Variants in LRMDA observed in about 807,000 individuals in gnomAD.
The protein encoded by LRMDA is leucine-rich melanocyte differentiation-associated protein.
Under a neutral mutation model 29.8 loss-of-function variants are expected in LRMDA, and 18 were observed. The observed-to-expected ratio is 0.60, with a 90% CI of 0.42 to 0.90. The LOEUF is 0.90. Ranked by LOEUF, LRMDA falls within the 40% of genes least tolerant of loss-of-function variation. LRMDA has a pLI of 0.00. For synonymous variants in LRMDA, 125 were observed against 109.4 expected (o/e 1.14, Z -0.89); for missense variants, 273 against 273.9 (o/e 1.00, Z 0.02).
At chr10:76,144,687 C>T (rs1850276515) in intron 5 of LRMDA, among the ~76,000 whole-genome samples, 1 of 152,036 alleles carries the variant, frequency 6.6e-6, no homozygotes, top group Non-Finnish European at 1.5e-5. Flanking sequence ...CCTTTATTTC[C>T]TTCTCCTGCC....
At chr10:75,762,238 T>C (rs1843106441) in intron 2 of LRMDA, among the ~76,000 whole-genome samples, 1 of 152,240 alleles carries the variant, frequency 6.6e-6, no homozygotes, top group South Asian at 2.1e-4. Flanking sequence ...AGACCATGTT[T>C]TGTTTTTCCT....
At chr10:75,680,486 A>G (rs1274424884) in intron 2 of LRMDA, among the ~76,000 whole-genome samples, 2 of 151,988 alleles carry the variant, frequency 1.3e-5, no homozygotes, top group Non-Finnish European at 2.9e-5. Context: ...GTTTTACTTT[A>G]CTTTTCATAT....
intron 2 of LRMDA, among the ~76,000 whole-genome samples, chr10:75,985,250 G>A (rs568118443): frequency 1.3e-5 from 2 of 152,364 alleles, no homozygotes; most frequent in Admixed American, 1.3e-4. Flanking sequence ...GGAAGTATTA[G>A]AGATACCAAC....
intron 6 of LRMDA, among the ~76,000 whole-genome samples, chr10:76,504,376 A>T (rs74323880): frequency 0.021 from 3,217 of 151,852 alleles, 131 homozygotes; most frequent in African/African-American, 0.075. Flanking sequence ...TAAATCCATA[A>T]TTTTTTTGTT....
chr10:76,435,750 C>T (rs1191922185), intron 6 of LRMDA, among the ~76,000 whole-genome samples: 2 of 152,130 alleles, frequency 1.3e-5, no homozygotes, highest in East Asian at 3.9e-4. Flanking sequence ...TCATCAGTAC[C>T]TTAGGCCATA....
At chr10:75,823,591 T>C (rs1275020531) in intron 2 of LRMDA, among the ~76,000 whole-genome samples, 1 of 152,050 alleles carries the variant, frequency 6.6e-6, no homozygotes, top group Non-Finnish European at 1.5e-5. Flanking sequence ...AAAATAGAAC[T>C]ACCCTTTGAT....
chr10:75,761,583 A>T (rs545027708), intron 2 of LRMDA, among the ~76,000 whole-genome samples: 8 of 152,282 alleles, frequency 5.3e-5, no homozygotes, highest in African/African-American at 1.9e-4. Context: ...TCTGTTTGGG[A>T]TGATGAAAAA....
chr10:76,036,113 C>A lies in LRMDA; in HGVS notation c.237C>A (p.Thr79=), dbSNP rs755067051. The A allele has an allele frequency of 6.2e-7, 1 of 1,613,788 alleles. No homozygotes were observed. Among genetic ancestry groups the A allele is most frequent in the African/African-American group, 1.3e-5 (1 of 74,882 alleles). ...TGCCAGGGTTACCCAGACTGCATAC[C>A]TTAACCCTCAACAAGAACCGAATAT... ...LVLPGLPRLH[T]LTLNKNRITD... The change falls in exon 3 of 7, where the codon ACC becomes ACA. Residue 79 remains threonine, a synonymous_variant. Transcript: ENST00000611255.
At chr10:75,539,152 A>G (rs1434395980) in intron 2 of LRMDA, among the ~76,000 whole-genome samples, 2 of 152,216 alleles carry the variant, frequency 1.3e-5, no homozygotes. Context: ...TCCCTTTCCT[A>G]AAAGCTTTCC....
chr10:75,597,384 C>A (rs2132088678), intron 2 of LRMDA, among the ~76,000 whole-genome samples: 1 of 152,228 alleles, frequency 6.6e-6, no homozygotes, highest in Non-Finnish European at 1.5e-5. Context: ...GGCCTCAGAC[C>A]CCTGCCCACT....
intron 2 of LRMDA, among the ~76,000 whole-genome samples, chr10:75,825,037 A>G (rs78079289): frequency 0.043 from 6,476 of 152,250 alleles, 171 homozygotes; most frequent in East Asian, 0.099. Context: ...CTTCATTATC[A>G]GCTGACGCCA....
chr10:75,761,888 C>A (rs1406245686), intron 2 of LRMDA, among the ~76,000 whole-genome samples: 1 of 151,108 alleles, frequency 6.6e-6, no homozygotes, highest in African/African-American at 2.4e-5. Context: ...GCCACCTCTG[C>A]ATCCCAGGCT....
chr10:76,363,556 A>G (rs1485181169), intron 6 of LRMDA, among the ~76,000 whole-genome samples: 2 of 152,156 alleles, frequency 1.3e-5, no homozygotes, highest in Non-Finnish European at 2.9e-5. Flanking sequence ...ACTGGAGCAT[A>G]GGATGAGTGA....
intron 2 of LRMDA, among the ~76,000 whole-genome samples, chr10:75,568,783 G>A (rs1840402634): frequency 6.6e-6 from 1 of 152,234 alleles, no homozygotes; most frequent in South Asian, 2.1e-4. Flanking sequence ...TCATTTGCAA[G>A]TTTAAGTTCC....
intron 3 of LRMDA, among the ~76,000 whole-genome samples, chr10:76,040,957 A>G (rs1191531104): frequency 6.6e-6 from 1 of 152,218 alleles, no homozygotes; most frequent in African/African-American, 2.4e-5. Flanking sequence ...CCAGCGAGTC[A>G]GAGGTGGGAC....
At chr10:76,353,248 A>G (rs16933426) in intron 6 of LRMDA, among the ~76,000 whole-genome samples, 6,107 of 152,004 alleles carry the variant, frequency 0.04, 224 homozygotes, top group African/African-American at 0.099. Flanking sequence ...TGGACATTAC[A>G]TTCCCTAAGA....
intron 6 of LRMDA, among the ~76,000 whole-genome samples, chr10:76,492,445 A>G (rs962454746): frequency 6.6e-6 from 1 of 152,082 alleles, no homozygotes; most frequent in African/African-American, 2.4e-5. Flanking sequence ...GCAGACTCAT[A>G]GAGATACCAC....
At chr10:75,572,579 T>C (rs1840451166) in intron 2 of LRMDA, among the ~76,000 whole-genome samples, 1 of 152,244 alleles carries the variant, frequency 6.6e-6, no homozygotes, top group Admixed American at 6.5e-5. Context: ...TTTGTACATC[T>C]TTCAGTGATT....
chr10:76,559,894 C>G lies in LRMDA; in HGVS notation c.*2606C>G, dbSNP rs1200420718. 1 of 152,214 alleles carries G rather than the reference C, an allele frequency of 6.6e-6. No homozygotes were observed. Among genetic ancestry groups the G allele is most frequent in the African/African-American group, 2.4e-5 (1 of 41,438 alleles). The allele number at this position is 152,214 out of a possible 1,614,324, so 9.4% of individuals were successfully genotyped here. On this transcript the variant is annotated 3_prime_UTR_variant, in exon 7 of 7. Coordinates refer to ENST00000611255, the MANE Select transcript of LRMDA (RefSeq NM_001305581.2). Reference sequence around the variant, plus strand: ...CAGCTCTCTGTTGCCTCAGCAATGTCAGGACGACTGTCTCTTTCCTAAGTA... The same window carrying G: ...CAGCTCTCTGTTGCCTCAGCAATGTGAGGACGACTGTCTCTTTCCTAAGTA...
Sources: allele counts gnomAD v4.1 joint callset (sites outside exome capture counted in the v4.1 genomes callset), GRCh38; gene constraint gnomAD v4.1.1; transcripts MANE v1.5; gene names NCBI Gene and HGNC (gene_info 2026-07-23, HGNC 2026-07-21).